The following NRG3 variants were observed in gnomAD, a reference collection of about 807,000 sequenced individuals.
NRG3 encodes the protein pro-neuregulin-3, membrane-bound isoform.
Under a neutral mutation model 66.9 loss-of-function variants are expected in NRG3, and 31 were observed. The ratio of observed to expected loss-of-function variants is 0.46; its 90% CI spans 0.35 to 0.63. NRG3 has a LOEUF of 0.63. NRG3 is among the 20% of genes least tolerant of loss of function. NRG3 has a pLI of 0.00. For synonymous variants in NRG3, 393 were observed against 359.4 expected, an observed-to-expected ratio of 1.09 and a Z score of -1.06; for missense variants, 910 against 878.9, an observed-to-expected ratio of 1.04 and a Z score of -0.45.
intron 2 of NRG3, among the ~76,000 whole-genome samples, chr10:82,387,755 A>C (rs79510917): frequency 6.6e-6 from 1 of 152,180 alleles, no homozygotes; most frequent in Non-Finnish European, 1.5e-5. Context: ...CTTTCCATTA[A>C]AAATGTAAGT....
At chr10:81,892,562 G>A (rs1054263281) in intron 1 of NRG3, among the ~76,000 whole-genome samples, 8 of 152,054 alleles carry the variant, frequency 5.3e-5, no homozygotes, top group African/African-American at 1.7e-4. Flanking sequence ...TTCCTGTTAC[G>A]TTGGTTGGCA....
chr10:82,914,832 A>C (rs1189209164), intron 4 of NRG3, among the ~76,000 whole-genome samples: 1 of 151,748 alleles, frequency 6.6e-6, no homozygotes, highest in Non-Finnish European at 1.5e-5. Context: ...TCCAATGTTG[A>C]ATGTTAGAGG....
intron 3 of NRG3, among the ~76,000 whole-genome samples, chr10:82,837,076 C>A (rs575659910): frequency 4.2e-4 from 64 of 152,244 alleles, no homozygotes; most frequent in African/African-American, 1.4e-3. Flanking sequence ...ATGAACTCAT[C>A]ATTTTTTATG....
intron 1 of NRG3, among the ~76,000 whole-genome samples, chr10:82,223,159 G>C (rs1268645963): frequency 6.7e-6 from 1 of 149,426 alleles, no homozygotes; most frequent in East Asian, 2.0e-4. Flanking sequence ...CAATGCATGG[G>C]ACAGCCAGAA....
At chr10:82,598,225 A>G (rs996217940) in intron 2 of NRG3, among the ~76,000 whole-genome samples, 2 of 152,224 alleles carry the variant, frequency 1.3e-5, no homozygotes, top group East Asian at 1.9e-4. Context: ...AGACGCTTCA[A>G]ATATTTCTCT....
intron 4 of NRG3, among the ~76,000 whole-genome samples, chr10:82,886,542 G>A (rs1042018049): frequency 6.6e-6 from 1 of 152,096 alleles, no homozygotes; most frequent in Non-Finnish European, 1.5e-5. Context: ...GGAATAATAC[G>A]AGCAATACAC....
At chr10:82,337,470 T>A (rs1204008678) in intron 1 of NRG3, among the ~76,000 whole-genome samples, 1 of 152,212 alleles carries the variant, frequency 6.6e-6, no homozygotes, top group Non-Finnish European at 1.5e-5. Flanking sequence ...TAAACACTCA[T>A]AAACAAGTAT....
chr10:82,336,475 G>A (rs1023940705), intron 1 of NRG3, among the ~76,000 whole-genome samples: 1 of 151,528 alleles, frequency 6.6e-6, no homozygotes. Flanking sequence ...AATTTTCTCA[G>A]CAATAACTTT....
At chr10:82,767,546 A>C (rs1265080216) in intron 3 of NRG3, among the ~76,000 whole-genome samples, 1 of 151,612 alleles carries the variant, frequency 6.6e-6, no homozygotes, top group Non-Finnish European at 1.5e-5. Flanking sequence ...TCATCTCTAC[A>C]TTTTATTTTT....
intron 2 of NRG3, among the ~76,000 whole-genome samples, chr10:82,383,470 A>AT (rs1304609928): frequency 6.6e-6 from 1 of 151,666 alleles, no homozygotes; most frequent in African/African-American, 2.4e-5. Context: ...TTTTTGTGTA[A>AT]TTTTTGGTTA....
intron 2 of NRG3, among the ~76,000 whole-genome samples, chr10:82,451,232 A>G (rs758526683): frequency 1.3e-5 from 2 of 152,182 alleles, no homozygotes; most frequent in Non-Finnish European, 2.9e-5. Flanking sequence ...ACTCATCTAG[A>G]TGACTCAAAT....
intron 1 of NRG3, among the ~76,000 whole-genome samples, chr10:81,934,436 C>T (rs1847673710): frequency 6.6e-6 from 1 of 152,092 alleles, no homozygotes; most frequent in Non-Finnish European, 1.5e-5. Flanking sequence ...TCGGACACTC[C>T]CTCCGTGGTA....
At chr10:82,226,110 A>C (rs945345815) in intron 1 of NRG3, among the ~76,000 whole-genome samples, 1 of 152,180 alleles carries the variant, frequency 6.6e-6, no homozygotes, top group Non-Finnish European at 1.5e-5. Flanking sequence ...AATTGAAAAA[A>C]GGCAAACTTC....
intron 1 of NRG3, chr10:82,233,032 T>G (rs951158622): frequency 5.7e-6 from 3 of 528,114 alleles, no homozygotes; most frequent in Non-Finnish European, 1.0e-5. Flanking sequence ...GGCTCTGGGT[T>G]GGTTAGTTTG....
chr10:82,468,696 G>T, intron 2 of NRG3, among the ~76,000 whole-genome samples: 1 of 152,178 alleles, frequency 6.6e-6, no homozygotes, highest in Non-Finnish European at 1.5e-5. Context: ...TGCAGCTACA[G>T]GGAAATGCCT....
intron 1 of NRG3, among the ~76,000 whole-genome samples, chr10:81,893,405 A>T (rs927127476): frequency 6.6e-6 from 1 of 152,154 alleles, no homozygotes; most frequent in African/African-American, 2.4e-5. Context: ...CGTCATTATT[A>T]TATAAAATTA....
intron 2 of NRG3, among the ~76,000 whole-genome samples, chr10:82,589,866 T>C (rs2046883490): frequency 6.6e-6 from 1 of 152,206 alleles, no homozygotes; most frequent in Admixed American, 6.5e-5. Context: ...TAAAACATAG[T>C]ATAAAATCAG....
At chr10:82,086,253 T>C (rs1320694422) in intron 1 of NRG3, among the ~76,000 whole-genome samples, 1 of 152,156 alleles carries the variant, frequency 6.6e-6, no homozygotes, top group Non-Finnish European at 1.5e-5. Context: ...GCTTTTCTTT[T>C]TGAACTTCCT....
intron 1 of NRG3, chr10:82,230,406 A>T (rs2133875986): frequency 6.6e-6 from 1 of 152,296 alleles, no homozygotes; most frequent in South Asian, 2.1e-4. Context: ...TGACTTCAGA[A>T]TTCCTCTCAG....
Sources: gnomAD v4.1 joint callset for allele counts (sites outside exome capture counted in the v4.1 genomes callset) on GRCh38, gnomAD v4.1.1 for gene constraint, MANE v1.5 for transcripts, NCBI Gene and HGNC (gene_info 2026-07-23, HGNC 2026-07-21) for gene names.